Variants in SPATS1 observed in about 807,000 individuals in gnomAD.
SPATS1 encodes the protein spermatogenesis-associated serine-rich protein 1.
A neutral mutation model predicts 33.6 loss-of-function variants in SPATS1; 23 were observed. The observed-to-expected ratio is 0.68, with a 90% CI of 0.49 to 0.97. The LOEUF is 0.97. Among genes scored for constraint, SPATS1 ranks in the 50% least tolerant of loss-of-function variants. SPATS1 has a pLI of 0.00. For missense variants in SPATS1, 327 were observed against 361.0 expected (o/e 0.91, Z 0.76); for synonymous variants, 131 against 125.6 (o/e 1.04, Z -0.29).
Position 44,379,857 on chromosome 6 carries a change from G to A in SPATS1, c.*2794G>A, listed in dbSNP as rs930399200. Among the ~76,000 whole-genome samples the A allele has an allele frequency of 2.0e-5, 3 of 151,816 alleles. No individual in the cohort carries two copies. The highest frequency in any genetic ancestry group is 1.3e-4 in the Admixed American group (2 of 15,238). ...ATGATTGAACTTCTGGAGTTGCAGA[G>A]CTACATTTCATCCCCTGAAAATCAG... On this transcript the variant is annotated 3_prime_UTR_variant, in exon 9 of 9. Coordinates refer to ENST00000674044, the MANE Select transcript of SPATS1 (RefSeq NM_001372081.1).
intron 5 of SPATS1, among the ~76,000 whole-genome samples, chr6:44,365,019 C>A (rs920360723): frequency 1.3e-5 from 2 of 152,068 alleles, no homozygotes; most frequent in Non-Finnish European, 2.9e-5. Context: ...CAACTCCTGA[C>A]CTCAGATGAT....
intron 7 of SPATS1, among the ~76,000 whole-genome samples, chr6:44,370,726 C>T (rs952203618): frequency 1.3e-5 from 2 of 152,086 alleles, no homozygotes; most frequent in African/African-American, 4.8e-5. Flanking sequence ...GAATAAAAAC[C>T]TTTTATTCCA....
chr6:44,365,040 C>T (rs1180287210), intron 5 of SPATS1, among the ~76,000 whole-genome samples: 3 of 152,080 alleles, frequency 2.0e-5, no homozygotes, highest in South Asian at 2.1e-4. Flanking sequence ...CCACCCGCCT[C>T]GGCCTCCCAA....
intron 5 of SPATS1, 35 bp from the exon 6 acceptor site, chr6:44,368,344 C>T (rs1583092414): frequency 4.4e-6 from 7 of 1,606,866 alleles, no homozygotes; most frequent in Non-Finnish European, 5.9e-6. Flanking sequence ...CATCTTCAGC[C>T]CTTGTATGAT....
intron 7 of SPATS1, among the ~76,000 whole-genome samples, chr6:44,376,141 G>C: frequency 6.6e-6 from 1 of 152,132 alleles, no homozygotes; most frequent in Non-Finnish European, 1.5e-5. Context: ...AGGAGCCCAG[G>C]TGATACTAGC....
At chr6:44,347,232 G>C (rs1223884287) in intron 2 of SPATS1, among the ~76,000 whole-genome samples, 1 of 152,164 alleles carries the variant, frequency 6.6e-6, no homozygotes, top group Non-Finnish European at 1.5e-5. Flanking sequence ...CGTGGGGTTG[G>C]GGGAGGGGAG....
rs114864682 is a variant in SPATS1, at chr6:44,352,280, G to A, written c.140-446G>A. On this transcript the variant is annotated intron_variant, in intron 2 of 8. Coordinates refer to ENST00000674044, the MANE Select transcript of SPATS1 (RefSeq NM_001372081.1). ...CAAATAGCTGGGATTACAAGAGTGT[G>A]CCACCATGACCAGCTAGTTTTTGTT... is the stretch of plus-strand genomic sequence containing the variant. 2.6e-3 allele frequency among the ~76,000 whole-genome samples: 395 copies of A among 152,232 alleles called. 4 individuals carry two copies. Among genetic ancestry groups the A allele is most frequent in the African/African-American group, 8.4e-3 (347 of 41,540 alleles).
At chr6:44,359,666 T>C (rs560210794) in intron 3 of SPATS1, among the ~76,000 whole-genome samples, 34 of 152,086 alleles carry the variant, frequency 2.2e-4, no homozygotes, top group African/African-American at 7.7e-4. Flanking sequence ...ACTTCCTGAG[T>C]TTAAGCAATT....
At chr6:44,361,664 G>A (rs1213725490) in intron 4 of SPATS1, among the ~76,000 whole-genome samples, 167 bp from the exon 5 acceptor site, 1 of 152,022 alleles carries the variant, frequency 6.6e-6, no homozygotes, top group Non-Finnish European at 1.5e-5. Context: ...TTTGTGTCTA[G>A]TCCCACAGAG....
At chr6:44,354,213 A>T (rs1368848975) in intron 3 of SPATS1, among the ~76,000 whole-genome samples, 1 of 151,710 alleles carries the variant, frequency 6.6e-6, no homozygotes, top group Non-Finnish European at 1.5e-5. Context: ...GTGCACCTGT[A>T]ATCCTGGCTA....
chr6:44,375,792 ACT>A (rs1018567868), intron 7 of SPATS1, among the ~76,000 whole-genome samples: 8 of 148,628 alleles, frequency 5.4e-5, no homozygotes, highest in Non-Finnish European at 3.0e-5. Context: ...ACAGAGTGAG[ACT>A]CTGTCTCAAA....
intron 3 of SPATS1, among the ~76,000 whole-genome samples, chr6:44,354,883 T>A (rs957952871): frequency 6.6e-6 from 1 of 152,208 alleles, no homozygotes; most frequent in African/African-American, 2.4e-5. Flanking sequence ...GGCATGATCA[T>A]GACTCACTGC....
chr6:44,376,311 A>G, intron 7 of SPATS1, 47 bp from the exon 8 acceptor site: 2 of 1,289,498 alleles, frequency 1.6e-6, no homozygotes, highest in Non-Finnish European at 2.2e-6. Context: ...TGGTGTTTGT[A>G]AATTTTGCAT....
chr6:44,371,940 G>C (rs1212533403), intron 7 of SPATS1, among the ~76,000 whole-genome samples: 1 of 121,186 alleles, frequency 8.3e-6, no homozygotes, highest in Non-Finnish European at 1.7e-5. Flanking sequence ...GCGAGACTCC[G>C]TCTCAAAAAA....
intron 2 of SPATS1, among the ~76,000 whole-genome samples, chr6:44,347,661 A>G (rs1787979499): frequency 6.6e-6 from 1 of 152,176 alleles, no homozygotes; most frequent in Admixed American, 6.5e-5. Flanking sequence ...CCAGTTTGGG[A>G]TAAGAAAGGA....
chr6:44,342,845 G>A (rs1422486543), intron 1 of SPATS1, 77 bp downstream of exon 1: 4 of 1,218,834 alleles, frequency 3.3e-6, no homozygotes, highest in Non-Finnish European at 3.4e-6. Flanking sequence ...TGGAAAAGAA[G>A]GAGCACCTTG....
In SPATS1 at chr6:44,348,710, G is replaced by A. The variant is rs74394189; in HGVS notation, c.140-4016G>A. ...AGAGACAGTAGAGAAGCACTTTTGC[G>A]CGGTGGCTCACGCCTGTAATACCAG... On this transcript the variant is annotated intron_variant, in intron 2 of 8. Coordinates refer to ENST00000674044, the MANE Select transcript of SPATS1 (RefSeq NM_001372081.1). Among the ~76,000 whole-genome samples the A allele has an allele frequency of 2.9e-3, 436 of 152,308 alleles. 3 individuals carry two copies. The highest frequency in any genetic ancestry group is 9.1e-3 in the African/African-American group (378 of 41,560).
rs193107129 is a variant in SPATS1 at position 44,370,237 on chromosome 6, A to T, written c.758+124A>T. Reference sequence around the variant, plus strand: ...CAGGGCCCTTTTGAATCCCAGCAGGAGGGTGGGGCAGTTTGTAAGGAAGGT... The same window carrying T: ...CAGGGCCCTTTTGAATCCCAGCAGGTGGGTGGGGCAGTTTGTAAGGAAGGT... On this transcript the variant is annotated intron_variant, in intron 7 of 8. Transcript: ENST00000674044. 1,406 of 797,206 alleles carry T rather than the reference A, an allele frequency of 1.8e-3. 9 individuals are homozygous for T. The highest frequency in any genetic ancestry group is 2.5e-3 in the Non-Finnish European group (1,243 of 494,808). 49.4% of individuals were successfully genotyped at this position (797,206 alleles called of 1,614,324 possible).
At position 44,379,862 on chromosome 6, in the gene SPATS1, A is replaced by G. The variant is rs1449872156; in HGVS notation, c.*2799A>G. 1.3e-5 allele frequency among the ~76,000 whole-genome samples: 2 copies of G among 151,722 alleles called. No individual in the cohort carries two copies. Among genetic ancestry groups the G allele is most frequent in the Non-Finnish European group, 2.9e-5 (2 of 67,974 alleles). On this transcript the variant is annotated 3_prime_UTR_variant, in exon 9 of 9. Coordinates refer to ENST00000674044, the MANE Select transcript of SPATS1 (RefSeq NM_001372081.1). ...TGAACTTCTGGAGTTGCAGAGCTAC[A>G]TTTCATCCCCTGAAAATCAGGGCAG...
Sources: gnomAD v4.1 joint callset for allele counts (sites outside exome capture counted in the v4.1 genomes callset) on GRCh38, gnomAD v4.1.1 for gene constraint, MANE v1.5 for transcripts, NCBI Gene and HGNC (gene_info 2026-07-23, HGNC 2026-07-21) for gene names.